The following CDK8 variants were observed in gnomAD, a reference collection of about 807,000 sequenced individuals.
CDK8 encodes cyclin dependent kinase 8, also known as cyclin-dependent kinase 8.
A neutral mutation model predicts 71.5 loss-of-function variants in CDK8; 29 were observed. The observed-to-expected ratio is 0.41, with a 90% CI of 0.30 to 0.55. The LOEUF is 0.55. Ranked by LOEUF, CDK8 falls within the 20% of genes least tolerant of loss-of-function variation. The pLI, the probability that CDK8 is intolerant of heterozygous loss-of-function variation, is 0.37. For missense variants in CDK8, 288 were observed against 572.6 expected, an observed-to-expected ratio of 0.50 and a Z score of 5.07; for synonymous variants, 161 against 192.1, an observed-to-expected ratio of 0.84 and a Z score of 1.34.
chr13:26,373,648 T>C (rs942650331), intron 4 of CDK8, among the ~76,000 whole-genome samples: 2 of 152,134 alleles, frequency 1.3e-5, no homozygotes, highest in Admixed American at 6.5e-5. Flanking sequence ...ATTAAAAATT[T>C]TGATAAGTTT....
At chr13:26,301,212 CTTTTTTTT>C (rs36054795) in intron 1 of CDK8, among the ~76,000 whole-genome samples, 3 of 92,904 alleles carry the variant, frequency 3.2e-5, no homozygotes, top group South Asian at 3.9e-4. Flanking sequence ...TATCAGTAGA[CTTTTTTTT>C]TTTTTTTTTT....
intron 3 of CDK8, among the ~76,000 whole-genome samples, chr13:26,349,786 A>G (rs1167039933): frequency 7.4e-6 from 1 of 135,964 alleles, no homozygotes; most frequent in Admixed American, 6.8e-5. Flanking sequence ...ACTGTTATTA[A>G]TTATTAACTA....
intron 4 of CDK8, among the ~76,000 whole-genome samples, chr13:26,361,270 G>A (rs1254407116): frequency 6.6e-6 from 1 of 152,040 alleles, no homozygotes; most frequent in African/African-American, 2.4e-5. Flanking sequence ...TCTGAACTTG[G>A]AACTCTTCTA....
At chr13:26,292,374 T>G (rs575279418) in intron 1 of CDK8, among the ~76,000 whole-genome samples, 1 of 152,284 alleles carries the variant, frequency 6.6e-6, no homozygotes, top group Non-Finnish European at 1.5e-5. Flanking sequence ...TGGATCCAAG[T>G]GATTGATTTG....
chr13:26,292,532 C>T (rs1488956640), intron 1 of CDK8, among the ~76,000 whole-genome samples: 2 of 152,126 alleles, frequency 1.3e-5, no homozygotes, highest in Admixed American at 6.5e-5. Context: ...AAAATCTGCT[C>T]ACATCACTTT....
chr13:26,293,391 T>C (rs1201609958), intron 1 of CDK8, among the ~76,000 whole-genome samples: 4 of 151,972 alleles, frequency 2.6e-5, no homozygotes, highest in Non-Finnish European at 5.9e-5. Flanking sequence ...TTGCCTGAGC[T>C]CAGGAGTTCA....
chr13:26,374,868 C>G (rs796854232), intron 4 of CDK8, among the ~76,000 whole-genome samples: 3 of 151,952 alleles, frequency 2.0e-5, no homozygotes, highest in Non-Finnish European at 4.4e-5. Flanking sequence ...TCTGTTAATA[C>G]GTATCAAGAA....
At chr13:26,330,922 G>T (rs891119987) in intron 1 of CDK8, among the ~76,000 whole-genome samples, 1 of 152,294 alleles carries the variant, frequency 6.6e-6, no homozygotes, top group Non-Finnish European at 1.5e-5. Flanking sequence ...GTATCATTTT[G>T]ATACATTTGT....
At chr13:26,275,919 G>A (rs189853202) in intron 1 of CDK8, among the ~76,000 whole-genome samples, 14 of 152,068 alleles carry the variant, frequency 9.2e-5, no homozygotes, top group East Asian at 1.9e-4. Context: ...CTGGAGTGCC[G>A]TGGCACAATC....
At chr13:26,289,664 C>T (rs796959) in intron 1 of CDK8, among the ~76,000 whole-genome samples, 125,995 of 151,826 alleles carry the variant, frequency 0.83, 53,944 homozygotes, top group East Asian at 1. Flanking sequence ...CATTCTCCTG[C>T]CTCAGCCTCC....
chr13:26,288,918 A>G (rs1873157834), intron 1 of CDK8, among the ~76,000 whole-genome samples: 2 of 151,398 alleles, frequency 1.3e-5, no homozygotes, highest in Non-Finnish European at 2.9e-5. Context: ...CACCTGGCTA[A>G]TTTTGTACTT....
chr13:26,308,100 C>T (rs1057048569), intron 1 of CDK8, among the ~76,000 whole-genome samples: 1 of 152,156 alleles, frequency 6.6e-6, no homozygotes, highest in South Asian at 2.1e-4. Context: ...TTGGTACATT[C>T]GTAAACAATT....
chr13:26,270,284 G>A (rs962638366), intron 1 of CDK8, among the ~76,000 whole-genome samples: 6 of 151,614 alleles, frequency 4.0e-5, no homozygotes, highest in Non-Finnish European at 8.8e-5. Context: ...AGCTACTCAA[G>A]AGGCTGAGGC....
At chr13:26,354,983 G>T (rs984132461) in intron 4 of CDK8, among the ~76,000 whole-genome samples, 2 of 152,100 alleles carry the variant, frequency 1.3e-5, no homozygotes, top group Non-Finnish European at 2.9e-5. Flanking sequence ...TAAACACAAT[G>T]CTAAAAGTGA....
rs1017300945 is a variant in CDK8, at chr13:26,336,178, G to A, written c.129-1389G>A. On this transcript the variant is annotated intron_variant, in intron 1 of 12. Coordinates refer to ENST00000381527, the MANE Select transcript of CDK8 (RefSeq NM_001260.3). ...ACACACACACAATCAAGTGATCAGAGTGTGATCCTGGAACCCCCTGGGTGT... is the reference window on the plus strand; with the variant it reads ...ACACACACACAATCAAGTGATCAGAATGTGATCCTGGAACCCCCTGGGTGT... 1.1e-4 allele frequency among the ~76,000 whole-genome samples: 16 copies of A among 152,156 alleles called. No individual in the cohort carries two copies. In the East Asian group the frequency reaches 1.2e-3, roughly 11 times the overall value.
At chr13:26,304,741 G>A (rs568209385) in intron 1 of CDK8, among the ~76,000 whole-genome samples, 22 of 152,042 alleles carry the variant, frequency 1.4e-4, no homozygotes, top group African/African-American at 4.8e-4. Flanking sequence ...GGCTCAAGGG[G>A]TTCTCCTGCC....
At chr13:26,296,849 C>G (rs1405528354) in intron 1 of CDK8, among the ~76,000 whole-genome samples, 2 of 152,094 alleles carry the variant, frequency 1.3e-5, no homozygotes, top group Admixed American at 6.5e-5. Context: ...CAAATACACA[C>G]CTTTTATTAA....
At chr13:26,268,320 T>C (rs918578348) in intron 1 of CDK8, among the ~76,000 whole-genome samples, 2 of 149,296 alleles carry the variant, frequency 1.3e-5, no homozygotes, top group South Asian at 2.1e-4. Context: ...GTCCTGTGTA[T>C]GTTATTTTAT....
At chr13:26,314,857 G>C (rs1242681228) in intron 1 of CDK8, among the ~76,000 whole-genome samples, 1 of 152,160 alleles carries the variant, frequency 6.6e-6, no homozygotes, top group Non-Finnish European at 1.5e-5. Context: ...ATATGATACA[G>C]ATTATATCTG....
Sources: allele counts gnomAD v4.1 joint callset (sites outside exome capture counted in the v4.1 genomes callset), GRCh38; gene constraint gnomAD v4.1.1; transcripts MANE v1.5; gene names NCBI Gene and HGNC (gene_info 2026-07-23, HGNC 2026-07-21).